Variants in DNAH2 observed in about 807,000 individuals in gnomAD.
DNAH2 encodes the protein dynein axonemal heavy chain 2.
DNAH2 carries 323 observed loss-of-function variants against 523.5 expected under a neutral mutation model. That is an observed-to-expected ratio of 0.62 (90% CI 0.56 to 0.68). The LOEUF (loss-of-function observed/expected upper bound fraction) is 0.68. Ranked by LOEUF, DNAH2 falls within the 30% of genes least tolerant of loss-of-function variation. DNAH2 has a pLI of 0.00. For missense variants in DNAH2, 4,907 were observed against 5,701.5 expected, an observed-to-expected ratio of 0.86 and a Z score of 4.49; for synonymous variants, 2,093 against 2,177.4, an observed-to-expected ratio of 0.96 and a Z score of 1.08.
chr17:7,807,504 A>G lies in DNAH2; in HGVS notation c.9647A>G (p.Lys3216Arg), dbSNP rs773534495. 9.3e-6 allele frequency: 15 copies of G among 1,613,642 alleles called. No individual in the cohort carries two copies. The highest frequency in any genetic ancestry group is 1.6e-4 in the Middle Eastern group (1 of 6,062). The change falls in exon 63 of 86, where the codon AAG (lysine) becomes AGG (arginine). Residue 3216 changes from lysine (K) to arginine (R), a missense_variant. Transcript: ENST00000572933. The surrounding 1 kb of genome is among the most constrained non-coding windows in gnomAD (Gnocchi z 5.6). Reference protein sequence around the residue: ...YGRLYRVVEPKRIRMNAALAQ... With the variant: ...YGRLYRVVEPRRIRMNAALAQ... Reference sequence around the variant, plus strand: ...CGGCTATATCGGGTGGTGGAGCCCAAGCGAATCCGAATGAACGCTGCCTTG... The same window carrying G: ...CGGCTATATCGGGTGGTGGAGCCCAGGCGAATCCGAATGAACGCTGCCTTG...
At chr17:7,735,134 TTTA>T (rs2075104162) in intron 7 of DNAH2, among the ~76,000 whole-genome samples, 1 of 152,304 alleles carries the variant, frequency 6.6e-6, no homozygotes, top group African/African-American at 2.4e-5. Flanking sequence ...TCTTTTCTTT[TTTA>T]TTATTATTTT....
At chr17:7,797,109 A>G in intron 50 of DNAH2, 67 bp from the exon 51 acceptor site, 2 of 1,463,186 alleles carry the variant, frequency 1.4e-6, no homozygotes, top group East Asian at 4.6e-5. Flanking sequence ...CCCAAAAAAA[A>G]AAAAAAAAAA....
In DNAH2 at chr17:7,759,108, A is replaced by C; in HGVS notation, c.2432A>C (p.Lys811Thr). ...ATGACCAACTCCTATGAGGTCTTCA[A>C]GAATGATGGTCCTGAGGTAGGGTTC... The part of the protein sequence containing the change: ...TIMTNSYEVF[K>T]NDGPEIQQQW... Residue 811 changes from lysine (K) to threonine (T), a missense_variant, in exon 15 of 86, where the codon AAG (lysine) becomes ACG (threonine). Around this residue, in one of 3 missense-constraint regions of DNAH2, gnomAD observed 2,806 missense variants for 3,190.8 expected, o/e 0.88. Transcript: ENST00000572933. 6.2e-7 allele frequency: 1 copy of C among 1,614,170 alleles called. No homozygotes were observed. The highest frequency in any genetic ancestry group is 1.3e-5 in the African/African-American group (1 of 75,062).
At position 7,830,357 on chromosome 17, in the gene DNAH2, C is replaced by T. The variant is rs1310766540; in HGVS notation, c.11911C>T (p.Arg3971Cys). The change falls in exon 78 of 86, where the codon CGC (arginine) becomes TGC (cysteine). Residue 3971 changes from arginine to cysteine, a missense_variant. Transcript: ENST00000572933. ...YQLMSEPQFS[R>C]CSKPAKYKKL... ...ACTGATGTCAGAACCACAGTTTTCC[C>T]GCTGCTCCAAACCTGCCAAATATAA... The T allele has an allele frequency of 8.1e-6, 13 of 1,614,248 alleles. No individual in the cohort carries two copies. The highest frequency in any genetic ancestry group is 2.2e-5 in the South Asian group (2 of 91,088).
At position 7,786,738 on chromosome 17, in the gene DNAH2, G is replaced by C. The variant is rs1330587515; in HGVS notation, c.6466+51G>C. ...AGAGCAGACGCCTGAGTCTCCTAAGGGGGCAGGGAGTCTGGGGATAGGAAG... is the reference window on the plus strand; with the variant it reads ...AGAGCAGACGCCTGAGTCTCCTAAGCGGGCAGGGAGTCTGGGGATAGGAAG... On this transcript the variant is annotated intron_variant, in intron 41 of 85. Coordinates refer to ENST00000572933, the MANE Select transcript of DNAH2 (RefSeq NM_020877.5). The surrounding 1 kb of genome is among the most constrained non-coding windows in gnomAD (Gnocchi z 7.5). The C allele has an allele frequency of 3.7e-6, 6 of 1,602,654 alleles. No homozygotes were observed. In the Admixed American group the frequency reaches 8.4e-5, roughly 22 times the overall value.
chr17:7,792,184 G>C, intron 45 of DNAH2, 68 bp from the exon 46 acceptor site: 1 of 1,602,136 alleles, frequency 6.2e-7, no homozygotes, highest in Non-Finnish European at 8.5e-7. Context: ...GGTGGTCTGG[G>C]GCCCGTTCTC....
chr17:7,831,015 T>TTTGG lies in DNAH2; in HGVS notation c.12231-70_12231-67dup. 6.5e-7 allele frequency: 1 copy of TTTGG among 1,536,638 alleles called. No homozygotes were observed. The highest frequency in any genetic ancestry group is 1.1e-5 in the South Asian group (1 of 87,358). On this transcript the variant is annotated intron_variant, in intron 79 of 85. Transcript: ENST00000572933. The surrounding 1 kb of genome is among the most constrained non-coding windows in gnomAD (Gnocchi z 4.2). Reference sequence around the variant, plus strand: ...GCTGGACAAATTGGACATGCATAGGTTTGGGGTCTTGGCCTGGCATTGAGG... The same window carrying TTTGG: ...GCTGGACAAATTGGACATGCATAGGTTTGGTTGGGGTCTTGGCCTGGCATTGAGG...
Position 7,828,322 on chromosome 17 carries a change from T to A in DNAH2, c.11854-1978T>A, listed in dbSNP as rs1214585257. Among the ~76,000 whole-genome samples, 10 of 152,206 alleles carry A rather than the reference T, an allele frequency of 6.6e-5. No individual in the cohort carries two copies. The highest frequency in any genetic ancestry group is 3.9e-4 in the Admixed American group (6 of 15,292). On this transcript the variant is annotated intron_variant, in intron 77 of 85. Coordinates refer to ENST00000572933, the MANE Select transcript of DNAH2 (RefSeq NM_020877.5). The surrounding 1 kb of genome is among the most constrained non-coding windows in gnomAD (Gnocchi z 4.1). ...CTTCTTCAGGCTATTCTTGACCTTT[T>A]ATTCTTCAATATAAATTTTAGAATT... is the stretch of plus-strand genomic sequence containing the variant.
chr17:7,819,401 G>A lies in DNAH2; in HGVS notation c.11008G>A (p.Val3670Ile), dbSNP rs780103334. Residue 3670 changes from valine to isoleucine, a missense_variant, in exon 72 of 86, where the codon GTC becomes ATC. Coordinates refer to ENST00000572933, the MANE Select transcript of DNAH2 (RefSeq NM_020877.5). ...DYLNDYHTYAVYRYTCRTLFE... is the reference protein window; with the variant it reads ...DYLNDYHTYAIYRYTCRTLFE... The stretch of plus-strand genomic sequence containing the variant: ...CCTGAATGACTACCACACCTACGCT[G>A]TCTACAGGTCTGAGGGTGCCCCCAA... The A allele has an allele frequency of 6.4e-5, 103 of 1,614,122 alleles. No individual in the cohort carries two copies. The highest frequency in any genetic ancestry group is 8.3e-5 in the Non-Finnish European group (98 of 1,180,052).
In DNAH2 at chr17:7,780,928, G is replaced by C; in HGVS notation, c.6004-114G>C. ...CCATCCCCGTGTTGCCCGCTGCTTT[G>C]CTAATGGCTAACTGGTGTATCCATT... On this transcript the variant is annotated intron_variant, in intron 38 of 85. Transcript: ENST00000572933. The surrounding 1 kb of genome is among the most constrained non-coding windows in gnomAD (Gnocchi z 4.4). 1 of 1,585,668 alleles carries C rather than the reference G, an allele frequency of 6.3e-7. No homozygotes were observed. The highest frequency in any genetic ancestry group is 8.6e-7 in the Non-Finnish European group (1 of 1,162,800).
In DNAH2 at chr17:7,792,308, G is replaced by A. The variant is rs370331462; in HGVS notation, c.7110G>A (p.Glu2370=). 2 of 1,614,102 alleles carry A rather than the reference G, an allele frequency of 1.2e-6. No individual in the cohort carries two copies. ...AAATACGGAGTTGGACATCATTTGAGGACAAGCTCCCTAAGAGTTGGCGCT... is the reference window on the plus strand; with the variant it reads ...AAATACGGAGTTGGACATCATTTGAAGACAAGCTCCCTAAGAGTTGGCGCT... ...DPKIRSWTSF[E]DKLPKSWRYP... The change falls in exon 46 of 86, where the codon GAG becomes GAA. Residue 2370 remains glutamate, a synonymous_variant. Coordinates refer to ENST00000572933, the MANE Select transcript of DNAH2 (RefSeq NM_020877.5).
rs533075017 is a variant in DNAH2, at chr17:7,804,887, C to G, written c.9184-71C>G. On this transcript the variant is annotated intron_variant, in intron 59 of 85. Transcript: ENST00000572933. ...TCTTTAGCTTTCTCTTTCATCTTTT[C>G]CACCAACACCGTCACTCCCACCTTT... is the stretch of plus-strand genomic sequence containing the variant. The G allele has an allele frequency of 3.8e-6, 5 of 1,313,662 alleles. No individual in the cohort carries two copies. The South Asian group carries it at 3.9e-5, about 10-fold the overall frequency. 81.4% of individuals were successfully genotyped at this position (1,313,662 alleles called of 1,614,324 possible). A position where few individuals can be genotyped will look rare whatever the true frequency, so the allele number is the denominator to read the frequency against.
In DNAH2 at chr17:7,737,183, C is replaced by A. The variant is rs1264099439; in HGVS notation, c.1095C>A (p.Ile365=). Residue 365 remains isoleucine (I), a synonymous_variant, in exon 8 of 86, where the codon ATC becomes ATA. Transcript: ENST00000572933. ...KDISSKLPKL[I]SLIRIIWVNS... is the part of the protein sequence containing the mutation. ...TCTCTAGCAAGCTCCCTAAGCTGAT[C>A]AGTCTCATCCGCATCATCTGGGTCA... is the stretch of plus-strand genomic sequence containing the variant. The A allele has an allele frequency of 6.2e-7, 1 of 1,614,006 alleles. No individual in the cohort carries two copies. The highest frequency in any genetic ancestry group is 1.7e-5 in the Admixed American group (1 of 59,992).
intron 63 of DNAH2, among the ~76,000 whole-genome samples, chr17:7,811,410 C>T (rs1206649532): frequency 3.9e-5 from 6 of 152,176 alleles, no homozygotes; most frequent in African/African-American, 1.4e-4. Flanking sequence ...AGACTTCAAC[C>T]TTCTGAAGTT....
rs1249716330 is a variant in DNAH2, at chr17:7,821,324, C to A, written c.11097C>A (p.Gly3699=). ...GTGCCAAAATCTTGGAGACTTCTGG[C>A]AAGCTCAACATGGATGAATACAACT... ...HMCAKILETS[G]KLNMDEYNFF... Residue 3699 remains glycine, a synonymous_variant, in exon 73 of 86, where the codon GGC becomes GGA. Coordinates refer to ENST00000572933, the MANE Select transcript of DNAH2 (RefSeq NM_020877.5). The surrounding 1 kb of genome is among the most constrained non-coding windows in gnomAD (Gnocchi z 5.0). 1 of 1,613,740 alleles carries A rather than the reference C, an allele frequency of 6.2e-7. No homozygotes were observed. Among genetic ancestry groups the A allele is most frequent in the East Asian group, 2.2e-5 (1 of 44,884 alleles).
chr17:7,728,796 G>A (rs2074901931), intron 4 of DNAH2, among the ~76,000 whole-genome samples: 1 of 152,066 alleles, frequency 6.6e-6, no homozygotes. Flanking sequence ...ACCAGCCTGG[G>A]TAACATAGTG....
chr17:7,824,784 G>A (rs1163299645), intron 77 of DNAH2, 57 bp downstream of exon 77: 2 of 1,354,692 alleles, frequency 1.5e-6, no homozygotes, highest in Non-Finnish European at 2.0e-6. Flanking sequence ...CTTACCTCCT[G>A]CTAGCACCAG....
Position 7,797,137 on chromosome 17 carries a change from T to G in DNAH2, c.7864-39T>G, listed in dbSNP as rs2077089355. 3 of 1,503,196 alleles carry G rather than the reference T, an allele frequency of 2.0e-6. No individual in the cohort carries two copies. In the African/African-American group the frequency reaches 4.2e-5, roughly 21 times the overall value. 93.1% of individuals were successfully genotyped at this position (1,503,196 alleles called of 1,614,324 possible). ...AAAAAAAAAACTTCTGGAGGGAATC[T>G]TTTTGCTCCCTGGTCCCAACAGTCA... On this transcript the variant is annotated intron_variant, in intron 50 of 85. Transcript: ENST00000572933.
At chr17:7,822,729 C>T (rs1448620448) in intron 73 of DNAH2, among the ~76,000 whole-genome samples, 1 of 152,144 alleles carries the variant, frequency 6.6e-6, no homozygotes, top group Non-Finnish European at 1.5e-5. Flanking sequence ...CTCAGTAATG[C>T]ATCCCAATGA....
Sources: allele counts gnomAD v4.1 joint callset (sites outside exome capture counted in the v4.1 genomes callset), GRCh38; gene constraint gnomAD v4.1.1; regional missense constraint gnomAD v4.1.1; non-coding constraint Gnocchi (gnomAD v3.1); transcripts MANE v1.5; gene names NCBI Gene and HGNC (gene_info 2026-07-23, HGNC 2026-07-21).